The following AGBL4 variants were observed in gnomAD, a reference collection of about 807,000 sequenced individuals.
The protein encoded by AGBL4 is cytosolic carboxypeptidase 6.
A neutral mutation model predicts 66.4 loss-of-function variants in AGBL4; 58 were observed. The observed-to-expected ratio is 0.87, with a 90% CI of 0.71 to 1.09. The LOEUF is 1.09. AGBL4 is among the 50% of genes least tolerant of loss of function. The probability of loss-of-function intolerance (pLI) is 0.00; values close to 1 mark genes in which losing one functional copy is unlikely to be tolerated. For missense variants in AGBL4, 579 were observed against 631.0 expected (o/e 0.92, Z 0.88); for synonymous variants, 234 against 222.9 (o/e 1.05, Z -0.44).
At chr1:48,651,043 T>A (rs929987704) in intron 8 of AGBL4, among the ~76,000 whole-genome samples, 8 of 151,976 alleles carry the variant, frequency 5.3e-5, no homozygotes, top group African/African-American at 1.7e-4. Context: ...CAATTCTGAG[T>A]CTTTATTATT....
At chr1:48,968,645 A>C (rs943720075) in intron 5 of AGBL4, among the ~76,000 whole-genome samples, 7 of 152,172 alleles carry the variant, frequency 4.6e-5, no homozygotes, top group African/African-American at 1.7e-4. Flanking sequence ...GCTGAGTCCT[A>C]GAGGGGAAGG....
intron 3 of AGBL4, among the ~76,000 whole-genome samples, chr1:49,564,291 T>C (rs1644134367): frequency 6.6e-6 from 1 of 152,214 alleles, no homozygotes; most frequent in Non-Finnish European, 1.5e-5. Flanking sequence ...AAGGGCTTTT[T>C]GTGTCTCTAT....
intron 4 of AGBL4, among the ~76,000 whole-genome samples, chr1:49,169,975 C>T (rs1481641903): frequency 6.6e-6 from 1 of 151,708 alleles, no homozygotes; most frequent in African/African-American, 2.4e-5. Flanking sequence ...ATTTTGGAGA[C>T]TCAGAAGGGG....
At chr1:49,233,273 C>A (rs1370420234) in intron 4 of AGBL4, among the ~76,000 whole-genome samples, 1 of 152,000 alleles carries the variant, frequency 6.6e-6, no homozygotes, top group Non-Finnish European at 1.5e-5. Context: ...ACATATGGCC[C>A]CAAATAAATC....
At chr1:49,564,588 T>C (rs965034698) in intron 3 of AGBL4, among the ~76,000 whole-genome samples, 6 of 152,174 alleles carry the variant, frequency 3.9e-5, no homozygotes, top group East Asian at 1.9e-4. Flanking sequence ...CAGGAGCAGG[T>C]TGTTCAGTTT....
intron 5 of AGBL4, among the ~76,000 whole-genome samples, chr1:48,898,403 C>T (rs983473465): frequency 1.3e-5 from 2 of 152,146 alleles, no homozygotes; most frequent in Non-Finnish European, 2.9e-5. Flanking sequence ...TGGAGCACTT[C>T]CCCAGTGTGT....
intron 3 of AGBL4, among the ~76,000 whole-genome samples, chr1:49,254,052 C>T (rs1652283340): frequency 6.6e-6 from 1 of 152,098 alleles, no homozygotes; most frequent in Non-Finnish European, 1.5e-5. Flanking sequence ...AACCCACAGC[C>T]AACATAAATA....
At chr1:49,479,703 CTTTT>C (rs1351125149) in intron 3 of AGBL4, among the ~76,000 whole-genome samples, 4 of 136,856 alleles carry the variant, frequency 2.9e-5, no homozygotes, top group Admixed American at 7.4e-5. Flanking sequence ...TTCTTTTTTT[CTTTT>C]TTTTTTTTTT....
intron 3 of AGBL4, among the ~76,000 whole-genome samples, chr1:49,645,767 CAAA>C (rs761674336): frequency 7.4e-5 from 5 of 67,320 alleles, no homozygotes; most frequent in Admixed American, 1.6e-4. Context: ...AACATAGATG[CAAA>C]AAAAAAAAAA....
At chr1:49,470,011 A>C (rs1201912383) in intron 3 of AGBL4, 2 of 151,968 alleles carry the variant, frequency 1.3e-5, no homozygotes, top group Non-Finnish European at 2.9e-5. Flanking sequence ...CTCTACCTGT[A>C]AAATTAGAAT....
chr1:48,645,722 A>C (rs1280901029), intron 8 of AGBL4, among the ~76,000 whole-genome samples: 1 of 152,152 alleles, frequency 6.6e-6, no homozygotes, highest in African/African-American at 2.4e-5. Flanking sequence ...AAAATGCCTA[A>C]AATAGTGCCA....
intron 5 of AGBL4, among the ~76,000 whole-genome samples, chr1:48,933,063 A>G (rs1655165754): frequency 1.3e-5 from 2 of 152,150 alleles, no homozygotes; most frequent in African/African-American, 4.8e-5. Flanking sequence ...AAAGGCCTGA[A>G]CTAGTATCAA....
chr1:49,116,534 T>C (rs1257468757), intron 4 of AGBL4, among the ~76,000 whole-genome samples: 1 of 152,242 alleles, frequency 6.6e-6, no homozygotes, highest in African/African-American at 2.4e-5. Context: ...TCCATGTCCC[T>C]GCAAAGGACA....
intron 3 of AGBL4, among the ~76,000 whole-genome samples, chr1:49,585,111 G>T (rs1480889734): frequency 6.6e-6 from 1 of 152,136 alleles, no homozygotes; most frequent in Admixed American, 6.5e-5. Flanking sequence ...ACCTATTATA[G>T]TTAGAGTTAA....
intron 3 of AGBL4, among the ~76,000 whole-genome samples, chr1:49,520,211 T>C (rs1650147119): frequency 6.6e-6 from 1 of 152,070 alleles, no homozygotes; most frequent in South Asian, 2.1e-4. Flanking sequence ...CCTCCTCTGG[T>C]TATGCTTGTT....
At position 48,876,441 on chromosome 1, in the gene AGBL4, C is replaced by T. The variant is rs111425572; in HGVS notation, c.595-9211G>A. ...GCAGCGAGAGGAAGGCCGTTCCAGT[C>T]ATGAGTCAGAAGATTACATGCTAGG... On this transcript the variant is annotated intron_variant, in intron 5 of 13. Transcript: ENST00000371839. Among the ~76,000 whole-genome samples the T allele has an allele frequency of 2.2e-3, 328 of 152,236 alleles. 3 individuals carry two copies. Among genetic ancestry groups the T allele is most frequent in the African/African-American group, 7.7e-3 (321 of 41,564 alleles).
At chr1:48,689,000 G>A (rs1646578865) in intron 6 of AGBL4, among the ~76,000 whole-genome samples, 1 of 151,598 alleles carries the variant, frequency 6.6e-6, no homozygotes, top group African/African-American at 2.4e-5. Flanking sequence ...AGGACATTTA[G>A]GCAGGATCCC....
intron 3 of AGBL4, among the ~76,000 whole-genome samples, chr1:49,481,206 T>C (rs1646949435): frequency 1.3e-5 from 2 of 152,140 alleles, no homozygotes; most frequent in Admixed American, 1.3e-4. Flanking sequence ...ATTGAATCTA[T>C]AAATTGCTTT....
At chr1:49,072,929 C>T (rs1234684457) in intron 4 of AGBL4, among the ~76,000 whole-genome samples, 1 of 152,170 alleles carries the variant, frequency 6.6e-6, no homozygotes, top group Non-Finnish European at 1.5e-5. Flanking sequence ...TTCTTGCAGG[C>T]TTTGTTCATT....
Sources: gnomAD v4.1 joint callset for allele counts (sites outside exome capture counted in the v4.1 genomes callset) on GRCh38, gnomAD v4.1.1 for gene constraint, MANE v1.5 for transcripts, NCBI Gene and HGNC (gene_info 2026-07-23, HGNC 2026-07-21) for gene names.